Variants in KLF17 observed in about 807,000 individuals in gnomAD.
KLF17 encodes KLF transcription factor 17.
Under a neutral mutation model 34.2 loss-of-function variants are expected in KLF17, and 31 were observed. The observed-to-expected ratio is 0.91, with a 90% confidence interval of 0.68 to 1.22. KLF17 has a LOEUF of 1.22. KLF17 is among the 50% of genes most tolerant of loss of function. The pLI is 0.00. For missense variants in KLF17, 478 were observed against 505.2 expected (o/e 0.95, Z 0.52); for synonymous variants, 179 against 186.7 (o/e 0.96, Z 0.34).
intron 1 of KLF17, among the ~76,000 whole-genome samples, chr1:44,125,476 C>T (rs919655728): frequency 6.6e-6 from 1 of 152,096 alleles, no homozygotes; most frequent in Non-Finnish European, 1.5e-5. Flanking sequence ...GGGCTTTCGA[C>T]AGTTTTATTT....
At chr1:44,094,031 G>T in the KLF17 span, among the ~76,000 whole-genome samples, 1 of 152,094 alleles carries the variant, frequency 6.6e-6, no homozygotes, top group Non-Finnish European at 1.5e-5. Flanking sequence ...GATTTTTTTT[G>T]ATCAAACAAT....
chr1:44,058,281 C>CT, the KLF17 span, among the ~76,000 whole-genome samples: 6 of 152,002 alleles, frequency 3.9e-5, no homozygotes, highest in South Asian at 4.2e-4. Flanking sequence ...TCACCATCGC[C>CT]TTTTTTTTGT....
chr1:44,119,821 G>T (rs2087926382), intron 1 of KLF17, among the ~76,000 whole-genome samples: 1 of 152,218 alleles, frequency 6.6e-6, no homozygotes, highest in Non-Finnish European at 1.5e-5. Flanking sequence ...ACAGTGGGAA[G>T]CCATTGATGA....
the KLF17 span, among the ~76,000 whole-genome samples, chr1:44,084,679 CAAAAA>C: frequency 7.7e-6 from 1 of 129,156 alleles, no homozygotes; most frequent in Non-Finnish European, 1.7e-5. Flanking sequence ...GATCTTGTCT[CAAAAA>C]AAAAAAAAAA....
At chr1:44,122,324 A>T (rs1379571414) in intron 1 of KLF17, 55 of 1,601,980 alleles carry the variant, frequency 3.4e-5, no homozygotes, top group Non-Finnish European at 4.5e-5. Flanking sequence ...ACCGAATGTT[A>T]TTTCCTCGAA....
the KLF17 span, among the ~76,000 whole-genome samples, chr1:44,064,659 A>G: frequency 6.6e-6 from 1 of 152,236 alleles, no homozygotes; most frequent in Non-Finnish European, 1.5e-5. Flanking sequence ...TAACAATATC[A>G]GTAAATGAAC....
the KLF17 span, among the ~76,000 whole-genome samples, chr1:44,081,859 T>C: frequency 1.3e-5 from 2 of 152,238 alleles, no homozygotes; most frequent in Non-Finnish European, 2.9e-5. Flanking sequence ...GTATCCACTA[T>C]CAATATATTT....
At chr1:44,055,401 A>AC in the KLF17 span, among the ~76,000 whole-genome samples, 2 of 151,926 alleles carry the variant, frequency 1.3e-5, no homozygotes, top group Non-Finnish European at 2.9e-5. Context: ...AGATTTATCC[A>AC]CCCCCTTGGT....
chr1:44,111,843 A>T, the KLF17 span, among the ~76,000 whole-genome samples: 205 of 152,338 alleles, frequency 1.3e-3, no homozygotes, highest in Non-Finnish European at 2.2e-3. Context: ...CAGTGAGCTG[A>T]GATCGCGCCA....
At chr1:44,112,330 C>T in the KLF17 span, among the ~76,000 whole-genome samples, 1 of 152,192 alleles carries the variant, frequency 6.6e-6, no homozygotes, top group African/African-American at 2.4e-5. Context: ...CTCTTCATCT[C>T]CCACCAAACC....
At chr1:44,094,610 A>G in the KLF17 span, among the ~76,000 whole-genome samples, 2 of 152,074 alleles carry the variant, frequency 1.3e-5, no homozygotes, top group Non-Finnish European at 2.9e-5. Context: ...CCTCTCCCCA[A>G]TGTATGTTTT....
chr1:44,110,975 T>C, the KLF17 span, among the ~76,000 whole-genome samples: 34 of 152,018 alleles, frequency 2.2e-4, 1 homozygote, highest in Admixed American at 1.3e-4. Context: ...ATAATTTAGT[T>C]AAACGCATTA....
rs2088087566 is a variant in KLF17 at position 44,130,062 on chromosome 1, A to G, written c.791A>G (p.Lys264Arg). 6.2e-7 allele frequency: 1 copy of G among 1,614,122 alleles called. No homozygotes were observed. Among genetic ancestry groups the G allele is most frequent in the African/African-American group, 1.3e-5 (1 of 74,936 alleles). ...GGACCTGCTCCACAGACAGTAGAGA[A>G]GAACTCCAGGCCTCAGGAAGGGACT... is the stretch of plus-strand genomic sequence containing the variant. ...QPGPAPQTVE[K>R]NSRPQEGTGR... Residue 264 changes from lysine (K) to arginine (R), a missense_variant, in exon 2 of 4, where the codon AAG becomes AGG. Transcript: ENST00000372299.
chr1:44,071,757 A>G, the KLF17 span, among the ~76,000 whole-genome samples: 2 of 152,004 alleles, frequency 1.3e-5, no homozygotes, highest in South Asian at 2.1e-4. Context: ...TGAGGTTTCT[A>G]TGGGTCCTCG....
chr1:44,069,962 A>G, the KLF17 span: 1 of 152,020 alleles, frequency 6.6e-6, no homozygotes, highest in East Asian at 1.9e-4. This position sits in a 1 kb window ranked among gnomAD's most constrained non-coding sequence, Gnocchi z 4.7. Context: ...CCAGTAGCCC[A>G]TGGGTAGGGG....
the KLF17 span, among the ~76,000 whole-genome samples, chr1:44,062,715 CAA>C: frequency 4.1e-3 from 487 of 118,630 alleles, no homozygotes; most frequent in African/African-American, 6.3e-3. Context: ...GAACCTGTCT[CAA>C]AAAAAAAAAA....
chr1:44,096,668 G>A, the KLF17 span, among the ~76,000 whole-genome samples: 4 of 151,960 alleles, frequency 2.6e-5, no homozygotes, highest in Non-Finnish European at 4.4e-5. Flanking sequence ...CCAAAGTGCT[G>A]GGATTACAGG....
the KLF17 span, among the ~76,000 whole-genome samples, chr1:44,079,043 C>T: frequency 6.6e-6 from 1 of 152,140 alleles, no homozygotes; most frequent in East Asian, 1.9e-4. Flanking sequence ...AAAGTATGTT[C>T]TTCCTCCATT....
chr1:44,092,575 A>G, the KLF17 span, among the ~76,000 whole-genome samples: 3 of 152,104 alleles, frequency 2.0e-5, no homozygotes, highest in African/African-American at 7.2e-5. Flanking sequence ...CAACACACCA[A>G]ACTCAATGAA....
Sources: gnomAD v4.1 joint callset for allele counts (sites outside exome capture counted in the v4.1 genomes callset) on GRCh38, gnomAD v4.1.1 for gene constraint, Gnocchi (gnomAD v3.1) non-coding constraint, MANE v1.5 for transcripts, NCBI Gene and HGNC (gene_info 2026-07-23, HGNC 2026-07-21) for gene names.